SMIM21: variants seen among roughly 807,000 people sequenced by gnomAD.
The protein encoded by SMIM21 is chromosome 18 open reading frame 62.
In SMIM21, 8 loss-of-function variants were observed where a neutral mutation model predicts 8.6. That is an observed-to-expected ratio of 0.93 (90% CI 0.55 to 1.68). The LOEUF is 1.68. Ranked by LOEUF, SMIM21 falls within the 40% of genes most tolerant of loss-of-function variation. The pLI, the probability that SMIM21 is intolerant of heterozygous loss-of-function variation, is 0.00. For synonymous variants in SMIM21, 43 were observed against 41.7 expected (o/e 1.03, Z -0.12); for missense variants, 132 against 123.0 (o/e 1.07, Z -0.35).
rs1311409882 is a variant in SMIM21, at chr18:75,418,821, A to G, written c.225T>C (p.Ser75=). The part of the protein sequence containing the change: ...LRNHSRIQGV[S]EDWKRANSIF... ...TGCTGTTGGCCCTTTTCCAGTCTTC[A>G]GAAACCCCTTGTATCCTGCTATGAT... The change falls in exon 2 of 3, where the codon TCT becomes TCC. Residue 75 remains serine (S), a synonymous_variant. Transcript: ENST00000579022. The G allele has an allele frequency of 1.9e-6, 3 of 1,612,662 alleles. No homozygotes were observed. The highest frequency in any genetic ancestry group is 2.7e-5 in the African/African-American group (2 of 75,000).
rs1209402091 is a variant in SMIM21, at chr18:75,418,820, C to A, written c.226G>T (p.Glu76Ter). ...ATGCTGTTGGCCCTTTTCCAGTCTT[C>A]AGAAACCCCTTGTATCCTGCTATGA... ...RNHSRIQGVS[E>*]DWKRANSIFR... The change falls in exon 2 of 3, where the codon GAA becomes TAA. Residue 76 changes from glutamate (E) to a stop codon, truncating the protein, a stop_gained. Coordinates refer to ENST00000579022, the MANE Select transcript of SMIM21 (RefSeq NM_001037331.3). LOFTEE classifies it low-confidence loss of function (END_TRUNC). 6.2e-7 allele frequency: 1 copy of A among 1,612,274 alleles called. No homozygotes were observed. Among genetic ancestry groups the A allele is most frequent in the African/African-American group, 1.3e-5 (1 of 74,840 alleles).
chr18:75,410,860 T>C lies in SMIM21; in HGVS notation c.*4A>G, dbSNP rs374400213. 1.2e-6 allele frequency: 2 copies of C among 1,614,012 alleles called. No individual in the cohort carries two copies. The highest frequency in any genetic ancestry group is 1.7e-6 in the Non-Finnish European group (2 of 1,180,024). ...AAGGCCATGAGAGAGAAACGTAGTG[T>C]CATTTATTCTGCTTCTGCTGTGTTC... On this transcript the variant is annotated 3_prime_UTR_variant, in exon 3 of 3. Transcript: ENST00000579022.
chr18:75,427,616 G>T lies in SMIM21; in HGVS notation c.-53C>A, dbSNP rs115713276. 6.6e-7 allele frequency: 1 copy of T among 1,524,068 alleles called. No individual in the cohort carries two copies. Among genetic ancestry groups the T allele is most frequent in the Non-Finnish European group, 8.8e-7 (1 of 1,135,076 alleles). The allele number at this position is 1,524,068 out of a possible 1,614,324, so 94.4% of individuals were successfully genotyped here. A position where few individuals can be genotyped will look rare whatever the true frequency, so the allele number is the denominator to read the frequency against. ...AGGTCTCCTTGATGACAGCGACTCTGAGGACACAGAGCTGGTGCTATAAGA... is the reference window on the plus strand; with the variant it reads ...AGGTCTCCTTGATGACAGCGACTCTTAGGACACAGAGCTGGTGCTATAAGA... On this transcript the variant is annotated 5_prime_UTR_variant, in exon 1 of 3. Coordinates refer to ENST00000579022, the MANE Select transcript of SMIM21 (RefSeq NM_001037331.3).
chr18:75,423,617 A>G (rs2024731537), intron 1 of SMIM21, among the ~76,000 whole-genome samples: 1 of 152,248 alleles, frequency 6.6e-6, no homozygotes, highest in Non-Finnish European at 1.5e-5. Flanking sequence ...CGAGAAGGTG[A>G]TGGGATGGGG....
rs1451091373 is a variant in SMIM21, at chr18:75,427,498, T to C, written c.66A>G (p.Gln22=). ...FPIAQLGTFK[Q]DSAGMGRIFK... The stretch of plus-strand genomic sequence containing the variant: ...ATATCCGTCCCATTCCTGCAGAGTC[T>C]TGTTTAAATGTTCCCAGCTGTGCTA... Residue 22 remains glutamine, a synonymous_variant, in exon 1 of 3, where the codon CAA becomes CAG. Transcript: ENST00000579022. 3 of 1,614,114 alleles carry C rather than the reference T, an allele frequency of 1.9e-6. No individual in the cohort carries two copies. The South Asian group carries it at 3.3e-5, about 18-fold the overall frequency.
At position 75,409,781 on chromosome 18, in the gene SMIM21, C is replaced by G. The variant is rs1568149638; in HGVS notation, c.*1083G>C. 1 of 152,258 alleles carries G rather than the reference C, an allele frequency of 6.6e-6. No homozygotes were observed. Among genetic ancestry groups the G allele is most frequent in the Non-Finnish European group, 1.5e-5 (1 of 68,060 alleles). The allele number at this position is 152,258 out of a possible 1,614,324, so 9.4% of individuals were successfully genotyped here. A position where few individuals can be genotyped will look rare whatever the true frequency, so the allele number is the denominator to read the frequency against. ...ACCTCTGTCATTCCTCCACTTTGTTCCGGGGAGCCCAGCCATCTGCACTCA... is the reference window on the plus strand; with the variant it reads ...ACCTCTGTCATTCCTCCACTTTGTTGCGGGGAGCCCAGCCATCTGCACTCA... On this transcript the variant is annotated 3_prime_UTR_variant, in exon 3 of 3. Coordinates refer to ENST00000579022, the MANE Select transcript of SMIM21 (RefSeq NM_001037331.3).
At chr18:75,413,639 G>C (rs1165850785) in intron 2 of SMIM21, among the ~76,000 whole-genome samples, 2 of 152,128 alleles carry the variant, frequency 1.3e-5, no homozygotes, top group South Asian at 2.1e-4. Flanking sequence ...AGCATCCCCT[G>C]CCTCTCTTCT....
At chr18:75,422,315 C>T (rs546026815) in intron 1 of SMIM21, among the ~76,000 whole-genome samples, 183 of 151,906 alleles carry the variant, frequency 1.2e-3, no homozygotes, top group Middle Eastern at 6.9e-3. Flanking sequence ...GAACGTCTTT[C>T]GCAGGGCTTT....
At position 75,426,631 on chromosome 18, in the gene SMIM21, T is replaced by TAAAAAAA. The variant is rs777676195; in HGVS notation, c.129+797_129+803dup. 5.7e-4 allele frequency among the ~76,000 whole-genome samples: 51 copies of TAAAAAAA among 89,238 alleles called. 1 individual carries two copies. The highest frequency in any genetic ancestry group is 7.1e-4 in the Non-Finnish European group (34 of 48,122). The allele number at this position is 89,238 out of a possible 152,430, so 58.5% of individuals were successfully genotyped here. On this transcript the variant is annotated intron_variant, in intron 1 of 2. Coordinates refer to ENST00000579022, the MANE Select transcript of SMIM21 (RefSeq NM_001037331.3). ...GCCCTAGACCATTACTTTTAAAATG[T>TAAAAAAA]AAAAAAAAAAAAAAAAAAAAAAAAA...
intron 1 of SMIM21, among the ~76,000 whole-genome samples, chr18:75,424,038 ATGTT>A (rs77402983): frequency 0.28 from 42,341 of 151,828 alleles, 6,523 homozygotes; most frequent in Middle Eastern, 0.37. Flanking sequence ...TGCTTCAAGA[ATGTT>A]TGACCATTTT....
At chr18:75,421,275 A>G (rs1490836851) in intron 1 of SMIM21, among the ~76,000 whole-genome samples, 1 of 152,212 alleles carries the variant, frequency 6.6e-6, no homozygotes, top group Non-Finnish European at 1.5e-5. Context: ...TAAACGTTGA[A>G]CCCCAAGATA....
chr18:75,415,578 A>T (rs532741937), intron 2 of SMIM21, among the ~76,000 whole-genome samples: 81 of 152,330 alleles, frequency 5.3e-4, no homozygotes, highest in African/African-American at 1.9e-3. Context: ...TCTTAGCTGC[A>T]CACAAAACAA....
At chr18:75,414,408 C>T (rs1054301172) in intron 2 of SMIM21, among the ~76,000 whole-genome samples, 3 of 152,148 alleles carry the variant, frequency 2.0e-5, no homozygotes, top group Admixed American at 2.0e-4. Context: ...GCTCCATTGA[C>T]TGCTGAAAAG....
chr18:75,418,579 A>G (rs1029714138), intron 2 of SMIM21, among the ~76,000 whole-genome samples: 3 of 152,188 alleles, frequency 2.0e-5, no homozygotes, highest in African/African-American at 7.2e-5. Context: ...CCCGTGCTCT[A>G]TCACGGATGG....
rs1343497831 is a variant in SMIM21 at position 75,410,847 on chromosome 18, G to A, written c.*17C>T. The A allele has an allele frequency of 6.2e-7, 1 of 1,613,952 alleles. No individual in the cohort carries two copies. Among genetic ancestry groups the A allele is most frequent in the Non-Finnish European group, 8.5e-7 (1 of 1,180,008 alleles). ...AATCCATGGTATGAAGGCCATGAGA[G>A]AGAAACGTAGTGTCATTTATTCTGC... On this transcript the variant is annotated 3_prime_UTR_variant, in exon 3 of 3. Transcript: ENST00000579022.
intron 2 of SMIM21, among the ~76,000 whole-genome samples, chr18:75,415,760 CA>C (rs879669625): frequency 9.9e-5 from 15 of 152,188 alleles, no homozygotes; most frequent in Non-Finnish European, 1.6e-4. Flanking sequence ...CTTGAGGTAG[CA>C]AAGACATCTT....
At chr18:75,426,664 A>T (rs1414659878) in intron 1 of SMIM21, among the ~76,000 whole-genome samples, 1 of 115,122 alleles carries the variant, frequency 8.7e-6, no homozygotes, top group East Asian at 2.4e-4. Context: ...AAAAAAAAAA[A>T]AAAAAAATGG....
Position 75,427,594 on chromosome 18 carries a change from T to C in SMIM21, c.-31A>G. ...GGCTGCGGCGGTGACCAGTGAGAGG[T>C]CTCCTTGATGACAGCGACTCTGAGG... On this transcript the variant is annotated 5_prime_UTR_variant, in exon 1 of 3. Transcript: ENST00000579022. The C allele has an allele frequency of 6.4e-7, 1 of 1,562,530 alleles. No individual in the cohort carries two copies. The highest frequency in any genetic ancestry group is 8.7e-7 in the Non-Finnish European group (1 of 1,152,680).
At chr18:75,426,379 G>A (rs529557548) in intron 1 of SMIM21, among the ~76,000 whole-genome samples, 10 of 151,792 alleles carry the variant, frequency 6.6e-5, no homozygotes, top group African/African-American at 1.7e-4. Context: ...GCACAATCTC[G>A]GCTCACTGCA....
Sources: gnomAD v4.1 joint callset for allele counts (sites outside exome capture counted in the v4.1 genomes callset) on GRCh38, gnomAD v4.1.1 for gene constraint, MANE v1.5 for transcripts, NCBI Gene and HGNC (gene_info 2026-07-23, HGNC 2026-07-21) for gene names.